The following ASMT variants were observed in gnomAD, a reference collection of about 807,000 sequenced individuals.
ASMT encodes the protein acetylserotonin N-methyltransferase.
Under a neutral mutation model 41.3 loss-of-function variants are expected in ASMT, and 53 were observed. The observed-to-expected ratio is 1.28, with a 90% CI of 1.03 to 1.61. The LOEUF (loss-of-function observed/expected upper bound fraction) is 1.61. Among genes scored for constraint, ASMT ranks in the 40% most tolerant of loss-of-function variants. ASMT has a pLI of 0.00. For synonymous variants in ASMT, 231 were observed against 184.8 expected, an observed-to-expected ratio of 1.25 and a Z score of -2.03; for missense variants, 531 against 441.3, an observed-to-expected ratio of 1.20 and a Z score of -1.82.
rs369927563 is a variant in ASMT at position 1,615,182 on chromosome X, G to A, written c.-18G>A. ...GCGCTCCAGAGGCTCCGGAAGCCAC[G>A]GCTGGATTGGAGACAAGATGGGATC... On this transcript the variant is annotated 5_prime_UTR_variant, in exon 1 of 9. Coordinates refer to ENST00000381241, the MANE Select transcript of ASMT (RefSeq NM_001171038.2). The A allele has an allele frequency of 2.5e-5, 39 of 1,582,844 alleles. No homozygotes were observed. The highest frequency in any genetic ancestry group is 1.8e-4 in the African/African-American group (13 of 74,248).
intron 7 of ASMT, among the ~76,000 whole-genome samples, chrX:1,634,098 G>T (rs1934875287): frequency 6.6e-6 from 1 of 151,508 alleles, no homozygotes; most frequent in Non-Finnish European, 1.5e-5. Flanking sequence ...GCAGTGAAGG[G>T]TGTGGCCAGG....
At chrX:1,636,110 C>T (rs1341792344) in intron 7 of ASMT, 2 of 364,714 alleles carry the variant, frequency 5.5e-6, no homozygotes, top group Non-Finnish European at 1.1e-5. Flanking sequence ...CACCCGCCAT[C>T]ACGCCCGGCT....
Position 1,624,371 on chromosome X carries a change from GC to G in ASMT, c.348del (p.Trp117GlyfsTer8). On this transcript the variant is annotated frameshift_variant, in exon 3 of 9. Transcript: ENST00000381241. LOFTEE classifies it high-confidence loss of function. ...TACATGGGCAGGACCAGCTACCGGT[GC>G]TGGGGCCACCTGGCAGACGCCGTGA... ...LKYMGRTSYR[C>X]WGHLADAVRE... The G allele has an allele frequency of 6.2e-7, 1 of 1,613,780 alleles. No individual in the cohort carries two copies. Among genetic ancestry groups the G allele is most frequent in the Non-Finnish European group, 8.5e-7 (1 of 1,179,872 alleles).
chrX:1,617,127 T>C (rs1448774879), intron 1 of ASMT, among the ~76,000 whole-genome samples: 5 of 151,920 alleles, frequency 3.3e-5, no homozygotes, highest in East Asian at 3.9e-4. Flanking sequence ...GAGCTATGAT[T>C]GCACCACTGC....
rs1284851824 is a variant in ASMT at position 1,627,751 on chromosome X, G to C, written c.423G>C (p.Glu141Asp). Residue 141 changes from glutamate to aspartate, a missense_variant, in exon 4 of 9, where the codon GAG (glutamate) becomes GAC (aspartate). By Grantham distance (45) the Glu-to-Asp change is conservative. Transcript: ENST00000381241. ...YLETFGVPAE[E>D]LFTAIYRSEG... ...AGACGTTTGGCGTTCCCGCTGAAGA[G>C]CTTTTTACGGCCATCTACAGGTAAC... The C allele has an allele frequency of 3.7e-6, 6 of 1,613,840 alleles. No homozygotes were observed. In the South Asian group the frequency reaches 6.6e-5, roughly 18 times the overall value.
rs1477133002 is a variant in ASMT at position 1,623,370 on chromosome X, C to T, written c.244+57C>T. 44 of 1,597,064 alleles carry T rather than the reference C, an allele frequency of 2.8e-5. No homozygotes were observed. In the South Asian group the frequency reaches 3.6e-4, roughly 13 times the overall value. The stretch of plus-strand genomic sequence containing the variant: ...TTACATAGACACCCTCTGCAGCCCA[C>T]GTGTTCTGTAAAAAGTGAAACAGTC... On this transcript the variant is annotated intron_variant, in intron 2 of 8. Transcript: ENST00000381241.
chrX:1,615,410 A>G, intron 1 of ASMT, 142 bp downstream of exon 1: 1 of 875,956 alleles, frequency 1.1e-6, no homozygotes, highest in Middle Eastern at 2.6e-4. Context: ...TACACCCACG[A>G]TGTAGCCTCA....
At chrX:1,622,639 C>A (rs1188948370) in intron 1 of ASMT, among the ~76,000 whole-genome samples, 5 of 151,826 alleles carry the variant, frequency 3.3e-5, no homozygotes, top group African/African-American at 1.2e-4. Flanking sequence ...TGGGGCCAGG[C>A]GCAATGGCTC....
chrX:1,641,367 G>C (rs1477549714), intron 8 of ASMT, among the ~76,000 whole-genome samples: 1 of 134,224 alleles, frequency 7.5e-6, no homozygotes. Flanking sequence ...GTGTGTGATA[G>C]GGACCATGTC....
chrX:1,620,662 A>T (rs1934304889), intron 1 of ASMT, among the ~76,000 whole-genome samples: 1 of 152,096 alleles, frequency 6.6e-6, no homozygotes. Context: ...ACACTTTGGG[A>T]GACCGAGGCA....
At chrX:1,617,735 C>T (rs1454797613) in intron 1 of ASMT, among the ~76,000 whole-genome samples, 3 of 151,792 alleles carry the variant, frequency 2.0e-5, no homozygotes, top group East Asian at 3.9e-4. Context: ...CCTGCCTCAG[C>T]CTCCCGAGTA....
intron 1 of ASMT, among the ~76,000 whole-genome samples, chrX:1,620,093 AAAAT>A (rs767892895): frequency 3.3e-5 from 5 of 151,022 alleles, no homozygotes; most frequent in African/African-American, 4.9e-5. Context: ...ACTCCGTCTC[AAAAT>A]AAATAAATAA....
In ASMT at chrX:1,633,243, A is replaced by C. The variant is rs121918825; in HGVS notation, c.740A>C (p.Lys247Thr). The C allele has an allele frequency of 6.2e-7, 1 of 1,613,930 alleles. No homozygotes were observed. The highest frequency in any genetic ancestry group is 8.5e-7 in the Non-Finnish European group (1 of 1,179,870). Residue 247 changes from lysine (K) to threonine (T), a missense_variant, in exon 7 of 9, where the codon AAG (lysine) becomes ACG (threonine). Coordinates refer to ENST00000381241, the MANE Select transcript of ASMT (RefSeq NM_001171038.2). ...FDIPEVVWTAKQHFSFQEEEQ... is the reference protein window; with the variant it reads ...FDIPEVVWTATQHFSFQEEEQ... ...ATCCCAGAAGTGGTGTGGACGGCAAAGCAGCACTTCTCATTCCAGGAGGAA... is the reference window on the plus strand; with the variant it reads ...ATCCCAGAAGTGGTGTGGACGGCAACGCAGCACTTCTCATTCCAGGAGGAA...
chrX:1,618,923 G>A (rs1468642059), intron 1 of ASMT, among the ~76,000 whole-genome samples: 1 of 152,198 alleles, frequency 6.6e-6, no homozygotes, highest in Non-Finnish European at 1.5e-5. Context: ...TGGAAGAGCA[G>A]TCACTTTAAG....
chrX:1,642,182 C>CTG (rs1935208638), intron 8 of ASMT, among the ~76,000 whole-genome samples: 1 of 132,720 alleles, frequency 7.5e-6, no homozygotes, highest in South Asian at 2.5e-4. Flanking sequence ...CACAGCCTCT[C>CTG]TGTGTGTGAT....
intron 7 of ASMT, among the ~76,000 whole-genome samples, chrX:1,633,760 T>C (rs1373404517): frequency 3.9e-5 from 6 of 151,942 alleles, no homozygotes; most frequent in Admixed American, 1.3e-4. Context: ...TGCCTCAGCC[T>C]CCCAAGTAGC....
At chrX:1,636,332 C>T in intron 7 of ASMT, 106 bp from the exon 8 acceptor site, 2 of 1,541,930 alleles carry the variant, frequency 1.3e-6, no homozygotes, top group Non-Finnish European at 1.8e-6. Flanking sequence ...CCTGGAAGAC[C>T]TGGGAAAGGC....
intron 6 of ASMT, 44 bp downstream of exon 6, chrX:1,632,831 C>T (rs7471973): frequency 0.19 from 93,299 of 479,862 alleles, 9,099 homozygotes; most frequent in Middle Eastern, 0.24. Context: ...GGGAGGGGAA[C>T]GTCACACACT....
At chrX:1,642,169 G>C (rs1299735156) in intron 8 of ASMT, among the ~76,000 whole-genome samples, 1 of 147,114 alleles carries the variant, frequency 6.8e-6, no homozygotes, top group Non-Finnish European at 1.5e-5. Context: ...ATGAGGACAT[G>C]GGCACAGCCT....
Sources: allele counts gnomAD v4.1 joint callset (sites outside exome capture counted in the v4.1 genomes callset), GRCh38; gene constraint gnomAD v4.1.1; transcripts MANE v1.5; gene names NCBI Gene and HGNC (gene_info 2026-07-23, HGNC 2026-07-21).